The following NUFIP1 variants were observed in gnomAD, a reference collection of about 807,000 sequenced individuals.
The protein encoded by NUFIP1 is nuclear FMR1 interacting protein 1.
NUFIP1 carries 38 observed loss-of-function variants against 56.2 expected under a neutral mutation model. That is an observed-to-expected ratio of 0.68 (90% CI 0.52 to 0.89). NUFIP1 has a LOEUF of 0.89. Among genes scored for constraint, NUFIP1 ranks in the 40% least tolerant of loss-of-function variants. The pLI, the probability that NUFIP1 is intolerant of heterozygous loss-of-function variation, is 0.00. For synonymous variants in NUFIP1, 215 were observed against 212.4 expected (o/e 1.01, Z -0.10); for missense variants, 567 against 605.8 (o/e 0.94, Z 0.67).
intron 6 of NUFIP1, among the ~76,000 whole-genome samples, chr13:44,962,773 T>C (rs1163919156): frequency 6.6e-6 from 1 of 152,156 alleles, no homozygotes; most frequent in Non-Finnish European, 1.5e-5. Context: ...AAGTGTCCCA[T>C]TCAGGTATAC....
chr13:44,970,753 C>T (rs1397174056), intron 5 of NUFIP1, among the ~76,000 whole-genome samples: 2 of 152,192 alleles, frequency 1.3e-5, no homozygotes, highest in Non-Finnish European at 2.9e-5. Flanking sequence ...TGGCTCACTG[C>T]AGTCTCTGCC....
rs1872125511 is a variant in NUFIP1 at position 44,979,887 on chromosome 13, TACATTTCTC to T, written c.651_657+2del. On this transcript the variant is annotated splice_donor_variant and coding_sequence_variant, in exon 4 of 10. Transcript: ENST00000379161. LOFTEE classifies it high-confidence loss of function. ...AAAAATAGGATAAAAAAACAGAACT[TACATTTCTC>T]CAATGGAACTGGACAATCTTCTCGT... The T allele has an allele frequency of 6.3e-7, 1 of 1,591,894 alleles. No homozygotes were observed. Among genetic ancestry groups the T allele is most frequent in the South Asian group, 1.2e-5 (1 of 85,840 alleles).
chr13:44,958,885 G>A (rs1054722826), intron 7 of NUFIP1, among the ~76,000 whole-genome samples: 2 of 152,124 alleles, frequency 1.3e-5, no homozygotes, highest in African/African-American at 2.4e-5. Flanking sequence ...TGTTTTAGAG[G>A]AAATTCAAGG....
At chr13:44,972,196 AC>A (rs1284916603) in intron 5 of NUFIP1, among the ~76,000 whole-genome samples, 1 of 152,232 alleles carries the variant, frequency 6.6e-6, no homozygotes, top group African/African-American at 2.4e-5. Flanking sequence ...TATATTCAAA[AC>A]AAAAACCTAT....
intron 5 of NUFIP1, among the ~76,000 whole-genome samples, chr13:44,976,029 T>C (rs1871961231): frequency 6.6e-6 from 1 of 152,170 alleles, no homozygotes. Flanking sequence ...TAGTAACCGC[T>C]ACCATTCCCC....
chr13:44,956,158 A>AAAAAAG (rs754747222), intron 7 of NUFIP1, among the ~76,000 whole-genome samples: 20 of 151,036 alleles, frequency 1.3e-4, no homozygotes, highest in Admixed American at 4.6e-4. Flanking sequence ...AAAAAAAAAA[A>AAAAAAG]AAAAGAATCT....
chr13:44,980,306 G>C (rs1424858797), intron 3 of NUFIP1, among the ~76,000 whole-genome samples: 1 of 152,194 alleles, frequency 6.6e-6, no homozygotes, highest in Non-Finnish European at 1.5e-5. Context: ...TAAACATTTT[G>C]GTTAAAGTTT....
chr13:44,957,523 T>C (rs976712367), intron 7 of NUFIP1, among the ~76,000 whole-genome samples: 31 of 152,182 alleles, frequency 2.0e-4, no homozygotes, highest in Non-Finnish European at 3.8e-4. Context: ...GAGATCTCTC[T>C]TTCAACTGCT....
At chr13:44,986,412 C>G (rs981507662) in intron 1 of NUFIP1, among the ~76,000 whole-genome samples, 1 of 152,138 alleles carries the variant, frequency 6.6e-6, no homozygotes. Context: ...AGTGGAGGGG[C>G]CAGGCGCAGT....
At chr13:44,949,199 ATT>A (rs11421255) in intron 8 of NUFIP1, among the ~76,000 whole-genome samples, 3 of 112,628 alleles carry the variant, frequency 2.7e-5, no homozygotes, top group East Asian at 5.3e-4. Flanking sequence ...ATTATATTGT[ATT>A]TTTTTTTTTT....
chr13:44,975,279 G>C (rs1337915810), intron 5 of NUFIP1, among the ~76,000 whole-genome samples: 2 of 151,984 alleles, frequency 1.3e-5, no homozygotes, highest in Non-Finnish European at 2.9e-5. Flanking sequence ...AGTCTAGTCT[G>C]GTCCAAGTCC....
chr13:44,976,541 A>G (rs1871988322), intron 5 of NUFIP1, among the ~76,000 whole-genome samples: 1 of 152,112 alleles, frequency 6.6e-6, no homozygotes, highest in African/African-American at 2.4e-5. Context: ...AGAACAAACA[A>G]AACATTTTTT....
chr13:44,987,702 C>T (rs1043437039), intron 1 of NUFIP1, among the ~76,000 whole-genome samples: 7 of 152,154 alleles, frequency 4.6e-5, no homozygotes, highest in Non-Finnish European at 1.0e-4. Context: ...TTGGGCTTCA[C>T]CCTGGTCCAA....
chr13:44,946,211 G>A (rs1272839048), intron 8 of NUFIP1, among the ~76,000 whole-genome samples: 1 of 152,070 alleles, frequency 6.6e-6, no homozygotes, highest in South Asian at 2.1e-4. Flanking sequence ...ATGAGGACGG[G>A]ACTAACATTT....
At chr13:44,943,328 G>A (rs1320448008) in intron 9 of NUFIP1, 114 bp downstream of exon 9, 17 of 830,866 alleles carry the variant, frequency 2.0e-5, no homozygotes, top group Non-Finnish European at 3.1e-5. Context: ...CAAGGTCAAT[G>A]TGTCTCTGGT....
intron 8 of NUFIP1, among the ~76,000 whole-genome samples, chr13:44,946,977 G>T (rs1012965396): frequency 6.6e-6 from 1 of 152,194 alleles, no homozygotes; most frequent in African/African-American, 2.4e-5. Context: ...GGAATGTGAA[G>T]CAAGGGTTTT....
intron 7 of NUFIP1, among the ~76,000 whole-genome samples, chr13:44,958,280 C>T (rs901590849): frequency 3.9e-5 from 6 of 152,268 alleles, no homozygotes; most frequent in Non-Finnish European, 5.9e-5. Context: ...TTTACTATTA[C>T]TTTCAATGGC....
At chr13:44,978,479 T>C (rs1872065973) in intron 5 of NUFIP1, among the ~76,000 whole-genome samples, 1 of 152,218 alleles carries the variant, frequency 6.6e-6, no homozygotes, top group East Asian at 1.9e-4. Flanking sequence ...TGCTTCAGGA[T>C]GAAGTGTTCT....
At position 44,989,446 on chromosome 13, in the gene NUFIP1, G is replaced by A. The variant is rs199623958; in HGVS notation, c.-10C>T. 2.5e-5 allele frequency: 41 copies of A among 1,611,850 alleles called. No individual in the cohort carries two copies. In the East Asian group the frequency reaches 7.4e-4, roughly 29 times the overall value. ...TAGTCGGCTCAGCCATACCACTGGC[G>A]GGTCCGGAGTCTAGCACGCGACTGT... On this transcript the variant is annotated 5_prime_UTR_variant, in exon 1 of 10. Transcript: ENST00000379161.
Sources: gnomAD v4.1 joint callset for allele counts (sites outside exome capture counted in the v4.1 genomes callset) on GRCh38, gnomAD v4.1.1 for gene constraint, MANE v1.5 for transcripts, NCBI Gene and HGNC (gene_info 2026-07-23, HGNC 2026-07-21) for gene names.